The following POU6F2 variants were observed in gnomAD, a reference collection of about 807,000 sequenced individuals.
POU6F2 encodes the protein POU class 6 homeobox 2.
A neutral mutation model predicts 71.3 loss-of-function variants in POU6F2; 31 were observed. That is an observed-to-expected ratio of 0.43 (90% CI 0.33 to 0.59). The LOEUF is 0.59. POU6F2 is among the 20% of genes least tolerant of loss of function. The pLI is 0.04. For synonymous variants in POU6F2, 347 were observed against 355.7 expected, an observed-to-expected ratio of 0.98 and a Z score of 0.27; for missense variants, 783 against 856.8, an observed-to-expected ratio of 0.91 and a Z score of 1.07.
chr7:39,456,130 T>C (rs1788797169), intron 8 of POU6F2, among the ~76,000 whole-genome samples: 1 of 152,168 alleles, frequency 6.6e-6, no homozygotes, highest in Non-Finnish European at 1.5e-5. Flanking sequence ...CCACCCTCCA[T>C]AGAAACCTGA....
chr7:39,137,808 C>A (rs1792416901), intron 2 of POU6F2, among the ~76,000 whole-genome samples: 1 of 152,166 alleles, frequency 6.6e-6, no homozygotes, highest in African/African-American at 2.4e-5. Context: ...ACAGTTCAAC[C>A]TGTGCATATT....
intron 4 of POU6F2, among the ~76,000 whole-genome samples, chr7:39,285,681 T>C (rs918368774): frequency 3.9e-5 from 6 of 152,198 alleles, no homozygotes; most frequent in Admixed American, 3.9e-4. Flanking sequence ...AAAAAATACA[T>C]ATTTCAATCA....
At chr7:39,164,586 G>C (rs1214611666) in intron 2 of POU6F2, among the ~76,000 whole-genome samples, 1 of 151,666 alleles carries the variant, frequency 6.6e-6, no homozygotes, top group East Asian at 2.0e-4. Flanking sequence ...TATGGGAAGG[G>C]ATGCTGTGGA....
intron 1 of POU6F2, among the ~76,000 whole-genome samples, chr7:38,983,260 T>C (rs1057062628): frequency 6.6e-6 from 1 of 152,144 alleles, no homozygotes; most frequent in Non-Finnish European, 1.5e-5. Context: ...ATTTGTAATT[T>C]ATGGCCAAAT....
chr7:39,185,867 ATATATG>A (rs1793529283), intron 2 of POU6F2, among the ~76,000 whole-genome samples: 2 of 148,118 alleles, frequency 1.4e-5, no homozygotes, highest in African/African-American at 2.5e-5. Flanking sequence ...GTATATATGT[ATATATG>A]TATATGTATA....
At chr7:39,187,552 T>G (rs907210794) in intron 2 of POU6F2, among the ~76,000 whole-genome samples, 2 of 152,168 alleles carry the variant, frequency 1.3e-5, no homozygotes, top group African/African-American at 4.8e-5. Flanking sequence ...CGAGGGCCGC[T>G]GAAGGGGCCG....
chr7:39,161,725 G>A (rs1042135718), intron 2 of POU6F2, among the ~76,000 whole-genome samples: 1 of 152,098 alleles, frequency 6.6e-6, no homozygotes, highest in Non-Finnish European at 1.5e-5. Flanking sequence ...TACAAAAGCG[G>A]TACTATGCAA....
At chr7:39,328,373 T>C (rs982197299) in intron 4 of POU6F2, among the ~76,000 whole-genome samples, 1 of 152,256 alleles carries the variant, frequency 6.6e-6, no homozygotes, top group African/African-American at 2.4e-5. Flanking sequence ...ACTAGCATCC[T>C]GTGGAATAGT....
At chr7:39,135,977 T>C (rs1007681376) in intron 2 of POU6F2, among the ~76,000 whole-genome samples, 3 of 152,172 alleles carry the variant, frequency 2.0e-5, no homozygotes, top group Non-Finnish European at 4.4e-5. Context: ...CATTTCTATA[T>C]AGCAGCAATA....
intron 4 of POU6F2, among the ~76,000 whole-genome samples, chr7:39,225,892 G>A (rs1006771233): frequency 1.3e-5 from 2 of 151,298 alleles, no homozygotes; most frequent in African/African-American, 4.9e-5. Flanking sequence ...ACACACCCGC[G>A]TTTTTGGGGG....
Position 39,190,858 on chromosome 7 carries a change from G to A in POU6F2, c.278-13377G>A, listed in dbSNP as rs188197903. 2.5e-3 allele frequency among the ~76,000 whole-genome samples: 381 copies of A among 151,718 alleles called. 2 individuals are homozygous for A. The highest frequency in any genetic ancestry group is 4.2e-3 in the Non-Finnish European group (283 of 67,898). On this transcript the variant is annotated intron_variant, in intron 2 of 9. Transcript: ENST00000518318. ...TCACCATGTTGGTCAGGCTGGTCTC[G>A]AACTCCTGACCTCGTGATCTGCCTG...
chr7:39,213,885 C>T (rs1022505014), intron 4 of POU6F2, among the ~76,000 whole-genome samples: 10 of 152,320 alleles, frequency 6.6e-5, no homozygotes, highest in Non-Finnish European at 1.3e-4. Context: ...GGCCACACCC[C>T]TGGGAGATTC....
intron 1 of POU6F2, among the ~76,000 whole-genome samples, chr7:39,000,781 C>T (rs1051618404): frequency 2.0e-5 from 3 of 152,148 alleles, no homozygotes; most frequent in Non-Finnish European, 4.4e-5. Context: ...TTTGTATCTT[C>T]TCTGCCCCAT....
At chr7:39,419,103 ACATATATACG>A (rs1449860765) in intron 6 of POU6F2, among the ~76,000 whole-genome samples, 21 of 74,642 alleles carry the variant, frequency 2.8e-4, no homozygotes, top group Middle Eastern at 0.013. Flanking sequence ...GTATATATAC[ACATATATACG>A]TATATATGTG....
intron 8 of POU6F2, among the ~76,000 whole-genome samples, chr7:39,459,959 G>A (rs182909517): frequency 4.7e-4 from 72 of 152,222 alleles, no homozygotes; most frequent in Non-Finnish European, 8.1e-4. Context: ...GGGGGAAAAA[G>A]ACAATATCAT....
chr7:39,234,050 G>A (rs969913240), intron 4 of POU6F2, among the ~76,000 whole-genome samples: 1 of 152,042 alleles, frequency 6.6e-6, no homozygotes, highest in East Asian at 1.9e-4. Flanking sequence ...TCTTTGGCAC[G>A]CATATGCTAA....
At chr7:39,019,485 C>A (rs373028583) in intron 1 of POU6F2, among the ~76,000 whole-genome samples, 1 of 151,962 alleles carries the variant, frequency 6.6e-6, no homozygotes, top group African/African-American at 2.4e-5. Flanking sequence ...TTACAGTATT[C>A]CATTTGTAGG....
chr7:39,335,024 G>A (rs1435259268), intron 4 of POU6F2, among the ~76,000 whole-genome samples: 2 of 152,178 alleles, frequency 1.3e-5, no homozygotes, highest in African/African-American at 4.8e-5. Flanking sequence ...CTGTGGACAA[G>A]GTAAACTGAT....
intron 4 of POU6F2, among the ~76,000 whole-genome samples, chr7:39,319,613 C>T (rs1223834945): frequency 2.0e-5 from 3 of 152,200 alleles, no homozygotes; most frequent in African/African-American, 4.8e-5. Flanking sequence ...AGGAAATTCT[C>T]ATGCAAGCCT....
Sources: gnomAD v4.1 joint callset for allele counts (sites outside exome capture counted in the v4.1 genomes callset) on GRCh38, gnomAD v4.1.1 for gene constraint, MANE v1.5 for transcripts, NCBI Gene and HGNC (gene_info 2026-07-23, HGNC 2026-07-21) for gene names.